CFAP44: variants seen among roughly 807,000 people sequenced by gnomAD.
CFAP44 encodes the protein cilia and flagella associated protein 44, also known as cilia- and flagella-associated protein 44.
In CFAP44, 134 loss-of-function variants were observed where a neutral mutation model predicts 216.2. That is an observed-to-expected ratio of 0.62 (90% CI 0.54 to 0.72). The LOEUF (loss-of-function observed/expected upper bound fraction) is 0.72, where lower values mean the gene tolerates loss of function less well. Ranked by LOEUF, CFAP44 falls within the 30% of genes least tolerant of loss-of-function variation. The pLI, the probability that CFAP44 is intolerant of heterozygous loss-of-function variation, is 0.00. For synonymous variants in CFAP44, 700 were observed against 727.6 expected (o/e 0.96, Z 0.61); for missense variants, 2,035 against 2,182.1 (o/e 0.93, Z 1.34).
chr3:113,349,719 C>G (rs971638590), intron 22 of CFAP44, among the ~76,000 whole-genome samples: 4 of 152,162 alleles, frequency 2.6e-5, no homozygotes, highest in African/African-American at 7.2e-5. Context: ...GGGCAAGTGC[C>G]AGCTCATGTC....
chr3:113,369,246 A>G (rs1222812925), intron 18 of CFAP44, among the ~76,000 whole-genome samples: 2 of 152,250 alleles, frequency 1.3e-5, no homozygotes, highest in African/African-American at 2.4e-5. Context: ...ATAGACATCT[A>G]TAGAACTCTC....
intron 32 of CFAP44, among the ~76,000 whole-genome samples, chr3:113,297,761 A>G (rs778926063): frequency 2.6e-4 from 39 of 152,248 alleles, no homozygotes; most frequent in Non-Finnish European, 5.1e-4. Flanking sequence ...CCAAGAAAAC[A>G]TAATCTTGTA....
chr3:113,437,088 CT>C, intron 1 of CFAP44, among the ~76,000 whole-genome samples: 1 of 152,294 alleles, frequency 6.6e-6, no homozygotes, highest in South Asian at 2.1e-4. Flanking sequence ...ACAGTGGTCC[CT>C]GCTTTCTTGC....
At position 113,360,963 on chromosome 3, in the gene CFAP44, G is replaced by A. The variant is rs148394161; in HGVS notation, c.2935-2088C>T. On this transcript the variant is annotated intron_variant, in intron 21 of 34. Transcript: ENST00000393845. ...AGGCAGTTGAATTTGTTTTATCTGT[G>A]TATGAATTTTGATGGTGGATTTGGT... The A allele has an allele frequency of 3.5e-3, 940 of 266,400 alleles. 13 individuals are homozygous for A. The highest frequency in any genetic ancestry group is 0.02 in the African/African-American group (881 of 43,508). 16.5% of individuals were successfully genotyped at this position (266,400 alleles called of 1,614,324 possible).
chr3:113,359,402 G>A (rs1419827791), intron 21 of CFAP44, among the ~76,000 whole-genome samples: 3 of 152,184 alleles, frequency 2.0e-5, no homozygotes, highest in Non-Finnish European at 4.4e-5. Flanking sequence ...AAAAATATCA[G>A]AGCCAATATT....
chr3:113,302,908 T>C (rs933670689), intron 32 of CFAP44, among the ~76,000 whole-genome samples: 1 of 149,772 alleles, frequency 6.7e-6, no homozygotes, highest in Non-Finnish European at 1.5e-5. Flanking sequence ...AAAATAGAAA[T>C]CAAAAATGGA....
At chr3:113,398,934 G>A (rs1032657119) in intron 13 of CFAP44, among the ~76,000 whole-genome samples, 8 of 152,164 alleles carry the variant, frequency 5.3e-5, no homozygotes, top group Non-Finnish European at 1.2e-4. Flanking sequence ...ACCCAATCAA[G>A]TATGGTAGAA....
At position 113,330,273 on chromosome 3, in the gene CFAP44, T is replaced by A; in HGVS notation, c.4011A>T (p.Pro1337=). 1 of 1,537,456 alleles carries A rather than the reference T, an allele frequency of 6.5e-7. No individual in the cohort carries two copies. Among genetic ancestry groups the A allele is most frequent in the African/African-American group, 1.4e-5 (1 of 73,152 alleles). Residue 1337 remains proline, a synonymous_variant, in exon 26 of 35, where the codon CCA becomes CCT. Transcript: ENST00000393845. ...CTGCTTTTTCAAATTCCAAACACTTTGGTATATCTAGGCTGAATGTTGATG... is the reference window on the plus strand; with the variant it reads ...CTGCTTTTTCAAATTCCAAACACTTAGGTATATCTAGGCTGAATGTTGATG... ...SKASTFSLDI[P]KCLEFEKAEP... is the part of the protein sequence containing the mutation.
intron 21 of CFAP44, among the ~76,000 whole-genome samples, chr3:113,361,693 T>A (rs1036782781): frequency 6.6e-6 from 1 of 151,772 alleles, no homozygotes; most frequent in Admixed American, 6.6e-5. Context: ...GGAGACAGGG[T>A]TTCACCATGT....
intron 22 of CFAP44, among the ~76,000 whole-genome samples, chr3:113,351,198 T>G (rs1462938224): frequency 6.6e-6 from 1 of 152,198 alleles, no homozygotes; most frequent in Non-Finnish European, 1.5e-5. Context: ...GAGATCTTAT[T>G]AATAGCAAAG....
chr3:113,363,184 C>T lies in CFAP44; in HGVS notation c.2895G>A (p.Met965Ile). The T allele has an allele frequency of 1.2e-6, 2 of 1,609,620 alleles. No homozygotes were observed. The highest frequency in any genetic ancestry group is 1.3e-5 in the African/African-American group (1 of 74,870). The stretch of plus-strand genomic sequence containing the variant: ...GCATATGCTTTGGTAATTTTTCATT[C>T]ATTTCTAATAGATTACAAAATTCAC... ...LRSEFCNLLE[M>I]NEKLPKHMQF... Residue 965 changes from methionine to isoleucine, a missense_variant, in exon 21 of 35, where the codon ATG (methionine) becomes ATA (isoleucine). Around this residue, in one of 3 missense-constraint regions of CFAP44, gnomAD observed 1,883 missense variants for 2,023.7 expected, o/e 0.93. Transcript: ENST00000393845.
chr3:113,419,741 C>T (rs1934756711), intron 5 of CFAP44, among the ~76,000 whole-genome samples: 1 of 152,214 alleles, frequency 6.6e-6, no homozygotes, highest in Non-Finnish European at 1.5e-5. Context: ...GAAAAACTTG[C>T]ACGACTATGG....
chr3:113,359,069 CAAT>C (rs1950515502), intron 21 of CFAP44, among the ~76,000 whole-genome samples, 194 bp from the exon 22 acceptor site: 1 of 152,240 alleles, frequency 6.6e-6, no homozygotes, highest in South Asian at 2.1e-4. Flanking sequence ...TCGCAATTAA[CAAT>C]AATACAAATA....
chr3:113,438,356 ACTGG>A (rs1283312395), intron 1 of CFAP44, among the ~76,000 whole-genome samples: 5 of 152,208 alleles, frequency 3.3e-5, no homozygotes, highest in African/African-American at 1.2e-4. Context: ...GGATGAGAAT[ACTGG>A]CTACAGTCAG....
chr3:113,362,974 A>G (rs1950555324), intron 21 of CFAP44, 171 bp downstream of exon 21: 7 of 1,362,850 alleles, frequency 5.1e-6, no homozygotes, highest in Admixed American at 3.6e-5. Flanking sequence ...TAAAAGGGAT[A>G]AACCCCACAT....
intron 1 of CFAP44, among the ~76,000 whole-genome samples, chr3:113,439,308 C>T (rs552903114): frequency 5.1e-4 from 77 of 152,230 alleles, no homozygotes; most frequent in African/African-American, 1.3e-3. Context: ...TGGGTTCTCA[C>T]GCTTGTATGC....
rs569101644 is a variant in CFAP44 at position 113,398,466 on chromosome 3, C to T, written c.1569+1440G>A. On this transcript the variant is annotated intron_variant, in intron 13 of 34. Coordinates refer to ENST00000393845, the MANE Select transcript of CFAP44 (RefSeq NM_001164496.2). Reference sequence around the variant, plus strand: ...GCTTAAAATCCATATGATCATTACTCGAATATAAGCCTAAAAAAGGAAACA... The same window carrying T: ...GCTTAAAATCCATATGATCATTACTTGAATATAAGCCTAAAAAAGGAAACA... 3.9e-5 allele frequency among the ~76,000 whole-genome samples: 6 copies of T among 152,176 alleles called. 1 individual carries two copies. Among genetic ancestry groups the T allele is most frequent in the Admixed American group, 6.5e-5 (1 of 15,268 alleles).
chr3:113,427,377 T>A, intron 2 of CFAP44, 38 bp from the exon 3 acceptor site: 2 of 1,500,046 alleles, frequency 1.3e-6, no homozygotes, highest in Non-Finnish European at 1.8e-6. Context: ...AAATTTTGAT[T>A]AAACATTTTC....
chr3:113,419,773 A>G (rs1934757766), intron 5 of CFAP44, among the ~76,000 whole-genome samples: 1 of 152,218 alleles, frequency 6.6e-6, no homozygotes, highest in Admixed American at 6.5e-5. Flanking sequence ...AACCTCTATA[A>G]GCCCATTTCC....
Sources: gnomAD v4.1 joint callset for allele counts (sites outside exome capture counted in the v4.1 genomes callset) on GRCh38, gnomAD v4.1.1 for gene constraint, gnomAD v4.1.1 regional missense constraint, MANE v1.5 for transcripts, NCBI Gene and HGNC (gene_info 2026-07-23, HGNC 2026-07-21) for gene names.